The following AFF3 variants were observed in gnomAD, a reference collection of about 807,000 sequenced individuals.
AFF3 encodes ALF transcription elongation factor 3, also known as AF4/FMR2 family member 3.
A neutral mutation model predicts 129.7 loss-of-function variants in AFF3; 32 were observed. That is an observed-to-expected ratio of 0.25 (90% CI 0.19 to 0.33). The LOEUF (loss-of-function observed/expected upper bound fraction) is 0.33, where lower values mean the gene tolerates loss of function less well. Ranked by LOEUF, AFF3 falls within the 10% of genes least tolerant of loss-of-function variation. AFF3 has a pLI of 1.00. For synonymous variants in AFF3, 644 were observed against 635.4 expected (o/e 1.01, Z -0.20); for missense variants, 1,373 against 1,592.0 (o/e 0.86, Z 2.34).
At chr2:100,053,201 G>A (rs78076063) in intron 4 of AFF3, among the ~76,000 whole-genome samples, 4,583 of 152,304 alleles carry the variant, frequency 0.03, 219 homozygotes, top group African/African-American at 0.1. Context: ...AAGTCAGGCT[G>A]TTGACTTTAT....
chr2:99,744,537 T>A (rs552639293), intron 9 of AFF3, among the ~76,000 whole-genome samples: 69 of 152,260 alleles, frequency 4.5e-4, no homozygotes, highest in Non-Finnish European at 7.9e-4. Context: ...GGGTCTCCCA[T>A]ACCCCTGCCC....
At chr2:99,815,719 T>C (rs1003062549) in intron 8 of AFF3, among the ~76,000 whole-genome samples, 2 of 151,506 alleles carry the variant, frequency 1.3e-5, no homozygotes, top group Non-Finnish European at 2.9e-5. Flanking sequence ...TTTTTTTTTT[T>C]CCTCTTTCAG....
At chr2:99,755,348 G>A (rs1682007756) in intron 8 of AFF3, among the ~76,000 whole-genome samples, 1 of 150,624 alleles carries the variant, frequency 6.6e-6, no homozygotes, top group African/African-American at 2.4e-5. Context: ...AGCTCACCGC[G>A]ACCTCTGCCT....
intron 7 of AFF3, among the ~76,000 whole-genome samples, chr2:99,966,169 T>TA (rs1333884399): frequency 6.6e-6 from 1 of 152,212 alleles, no homozygotes; most frequent in Non-Finnish European, 1.5e-5. Context: ...GACTCCCACC[T>TA]AGTTTCCTAA....
intron 13 of AFF3, among the ~76,000 whole-genome samples, chr2:99,613,858 G>C (rs1681166760): frequency 1.3e-5 from 2 of 152,168 alleles, no homozygotes; most frequent in Admixed American, 6.5e-5. Flanking sequence ...TTTCTAAATA[G>C]ATCATTGAAG....
intron 7 of AFF3, among the ~76,000 whole-genome samples, chr2:99,997,921 T>C (rs1453320863): frequency 1.3e-5 from 2 of 152,192 alleles, no homozygotes; most frequent in Non-Finnish European, 2.9e-5. Flanking sequence ...GCCACCCTCT[T>C]GATGCTGCAC....
chr2:100,083,570 C>T (rs1411614715), intron 4 of AFF3, among the ~76,000 whole-genome samples: 1 of 152,196 alleles, frequency 6.6e-6, no homozygotes, highest in Non-Finnish European at 1.5e-5. Flanking sequence ...AGAGTTCTTA[C>T]AGTTCTCTGA....
chr2:99,858,184 C>T (rs996552527), intron 7 of AFF3, among the ~76,000 whole-genome samples: 2 of 152,138 alleles, frequency 1.3e-5, no homozygotes, highest in Non-Finnish European at 2.9e-5. Flanking sequence ...CAACCTTCAA[C>T]ATGGAGCTGG....
chr2:99,653,839 A>G (rs1318963635), intron 12 of AFF3, among the ~76,000 whole-genome samples: 2 of 148,864 alleles, frequency 1.3e-5, no homozygotes, highest in African/African-American at 5.0e-5. Flanking sequence ...ATGCAACAGC[A>G]TGGTACTTAG....
intron 4 of AFF3, among the ~76,000 whole-genome samples, chr2:100,052,372 C>T (rs1169402966): frequency 6.6e-6 from 1 of 152,144 alleles, no homozygotes; most frequent in African/African-American, 2.4e-5. Flanking sequence ...TACCTCGTCC[C>T]CCATGCCATC....
intron 12 of AFF3, among the ~76,000 whole-genome samples, chr2:99,653,809 C>T (rs1409221354): frequency 1.3e-5 from 2 of 150,938 alleles, no homozygotes; most frequent in African/African-American, 4.9e-5. Flanking sequence ...CAATCTGTCA[C>T]ATGATGTATG....
chr2:99,921,736 C>G (rs1695870944), intron 7 of AFF3, among the ~76,000 whole-genome samples: 1 of 151,996 alleles, frequency 6.6e-6, no homozygotes, highest in South Asian at 2.1e-4. Flanking sequence ...TTAAAAATAT[C>G]TGTTCATCAA....
chr2:100,030,363 A>G (rs1684394833), intron 4 of AFF3, among the ~76,000 whole-genome samples: 1 of 152,184 alleles, frequency 6.6e-6, no homozygotes, highest in African/African-American at 2.4e-5. Flanking sequence ...GTGATGGCTA[A>G]AATCCAAAAA....
At chr2:99,739,340 G>T (rs1680524357) in intron 10 of AFF3, among the ~76,000 whole-genome samples, 1 of 152,082 alleles carries the variant, frequency 6.6e-6, no homozygotes, top group Admixed American at 6.5e-5. Flanking sequence ...CGGCTTTCCA[G>T]AACACAACTA....
At chr2:99,590,076 T>A (rs1234864616) in intron 15 of AFF3, among the ~76,000 whole-genome samples, 1 of 152,200 alleles carries the variant, frequency 6.6e-6, no homozygotes, top group East Asian at 1.9e-4. Context: ...AGGCCCTACC[T>A]GTGGTGCCCG....
At chr2:99,669,640 T>C (rs1686977519) in intron 12 of AFF3, among the ~76,000 whole-genome samples, 1 of 152,176 alleles carries the variant, frequency 6.6e-6, no homozygotes, top group African/African-American at 2.4e-5. Context: ...CATACACATA[T>C]AAAATCATTT....
intron 4 of AFF3, among the ~76,000 whole-genome samples, chr2:100,018,378 C>T (rs909604497): frequency 2.6e-5 from 4 of 152,138 alleles, no homozygotes; most frequent in Admixed American, 6.6e-5. Flanking sequence ...TTCAGTGGAA[C>T]GATGACTGTT....
chr2:99,668,936 A>G (rs1686921600), intron 12 of AFF3, among the ~76,000 whole-genome samples: 1 of 152,210 alleles, frequency 6.6e-6, no homozygotes, highest in Non-Finnish European at 1.5e-5. Context: ...TTATAAGATC[A>G]GTATTACCCT....
At chr2:99,558,229 C>T (rs1443367493) in intron 22 of AFF3, among the ~76,000 whole-genome samples, 1 of 152,204 alleles carries the variant, frequency 6.6e-6, no homozygotes, top group Non-Finnish European at 1.5e-5. Context: ...GGAAAAGAAG[C>T]TCTAAGTGAG....
Sources: gnomAD v4.1 joint callset for allele counts (sites outside exome capture counted in the v4.1 genomes callset) on GRCh38, gnomAD v4.1.1 for gene constraint, MANE v1.5 for transcripts, NCBI Gene and HGNC (gene_info 2026-07-23, HGNC 2026-07-21) for gene names.